Variants in HCLS1 observed in about 807,000 individuals in gnomAD.
HCLS1 encodes the protein hematopoietic lineage cell-specific protein.
HCLS1 carries 44 observed loss-of-function variants against 68.6 expected under a neutral mutation model. That is an observed-to-expected ratio of 0.64 (90% CI 0.50 to 0.82). The LOEUF is 0.82. HCLS1 is among the 40% of genes least tolerant of loss of function. The pLI is 0.00. For missense variants in HCLS1, 602 were observed against 612.1 expected, an observed-to-expected ratio of 0.98 and a Z score of 0.17; for synonymous variants, 217 against 225.8, an observed-to-expected ratio of 0.96 and a Z score of 0.35.
chr3:121,641,514 A>C (rs2049198029), intron 6 of HCLS1, among the ~76,000 whole-genome samples: 1 of 152,250 alleles, frequency 6.6e-6, no homozygotes, highest in Admixed American at 6.5e-5. Flanking sequence ...GCATTTACTA[A>C]GTAATAATAA....
chr3:121,640,832 G>C (rs1409723506), intron 6 of HCLS1, among the ~76,000 whole-genome samples: 1 of 84,300 alleles, frequency 1.2e-5, no homozygotes, highest in Non-Finnish European at 2.4e-5. Flanking sequence ...GAGGGGAGGG[G>C]ACGGGAGGGC....
At chr3:121,634,575 T>G (rs2049131658) in intron 9 of HCLS1, among the ~76,000 whole-genome samples, 157 bp from the exon 10 acceptor site, 1 of 152,024 alleles carries the variant, frequency 6.6e-6, no homozygotes, top group Admixed American at 6.6e-5. Context: ...CAAGGGATAA[T>G]AGGAGGATGG....
At chr3:121,646,380 T>TTATACATA (rs1937605115) in intron 4 of HCLS1, among the ~76,000 whole-genome samples, 1 of 47,904 alleles carries the variant, frequency 2.1e-5, no homozygotes, top group African/African-American at 6.4e-5. Flanking sequence ...ATTATTACTA[T>TTATACATA]GTAATATATT....
chr3:121,643,038 C>G (rs1475141817), intron 5 of HCLS1, 57 bp from the exon 6 acceptor site: 3 of 1,394,346 alleles, frequency 2.2e-6, no homozygotes, highest in Non-Finnish European at 3.1e-6. Flanking sequence ...TTTTCCTCTT[C>G]CTAACCTCCC....
chr3:121,647,274 C>A, intron 4 of HCLS1, 45 bp downstream of exon 4: 2 of 1,607,080 alleles, frequency 1.2e-6, no homozygotes, highest in South Asian at 1.1e-5. Flanking sequence ...AGCCACCGCA[C>A]CCGGCTTGTA....
intron 1 of HCLS1, among the ~76,000 whole-genome samples, chr3:121,658,631 C>A (rs927737807): frequency 6.6e-6 from 1 of 152,132 alleles, no homozygotes; most frequent in Non-Finnish European, 1.5e-5. Context: ...AGGTAACCCA[C>A]GAGTCAAAAT....
At chr3:121,635,903 C>T (rs1167127311) in intron 8 of HCLS1, 99 bp from the exon 9 acceptor site, 1 of 875,408 alleles carries the variant, frequency 1.1e-6, no homozygotes, top group Admixed American at 1.9e-5. Flanking sequence ...TAAGAGGTAT[C>T]CCTAACCATT....
chr3:121,633,221 C>CTTT (rs58527943), intron 10 of HCLS1, 50 bp from the exon 11 acceptor site: 52 of 976,132 alleles, frequency 5.3e-5, no homozygotes, highest in East Asian at 9.2e-5. Context: ...ATCTTCACTC[C>CTTT]TTTTTTTTTT....
In HCLS1 at chr3:121,631,875, G is replaced by A; in HGVS notation, c.1432C>T (p.Pro478Ser). ...TCCAGAAGCTTGACATAATTTGCAG[G>A]GAAGAGTCCAAAGTGGCCATGGCAA... Reference protein sequence around the residue: ...GRCHGHFGLFPANYVKLLE With the variant: ...GRCHGHFGLFSANYVKLLE Residue 478 changes from proline (P) to serine (S), a missense_variant, in exon 14 of 14, where the codon CCT becomes TCT. Physicochemically the swap from Pro to Ser is moderately conservative, Grantham distance 74 (BLOSUM62 -1). Coordinates refer to ENST00000314583, the MANE Select transcript of HCLS1 (RefSeq NM_005335.6). 1.2e-6 allele frequency: 2 copies of A among 1,614,116 alleles called. No individual in the cohort carries two copies. Among genetic ancestry groups the A allele is most frequent in the African/African-American group, 1.3e-5 (1 of 75,020 alleles).
chr3:121,632,256 C>A, intron 12 of HCLS1, 72 bp from the exon 13 acceptor site: 1 of 1,599,460 alleles, frequency 6.3e-7, no homozygotes, highest in Admixed American at 1.7e-5. Flanking sequence ...CCTACTGGGG[C>A]AATAGAGAAA....
At chr3:121,634,080 A>G in intron 10 of HCLS1, 127 bp downstream of exon 10, 2 of 1,487,134 alleles carry the variant, frequency 1.3e-6, no homozygotes, top group Non-Finnish European at 1.8e-6. Flanking sequence ...TTCTAAAGAC[A>G]GAGACAACAG....
At position 121,632,158 on chromosome 3, in the gene HCLS1, CA is replaced by C; in HGVS notation, c.1266del (p.Ala424LeufsTer31). 6.2e-7 allele frequency: 1 copy of C among 1,614,092 alleles called. No homozygotes were observed. The highest frequency in any genetic ancestry group is 8.5e-7 in the Non-Finnish European group (1 of 1,180,006). ...LAGSSGCPAGAGAGAVALGIS... is the reference protein window; with the variant it reads ...LAGSSGCPAGXGAGAVALGIS... Reference sequence around the variant, plus strand: ...ATCCCCAGAGCCACAGCCCCAGCCCCAGCCCCAGCCGGGCAGCCTGATGATC... The same window carrying C: ...ATCCCCAGAGCCACAGCCCCAGCCCCGCCCCAGCCGGGCAGCCTGATGATC... On this transcript the variant is annotated frameshift_variant, in exon 13 of 14. Transcript: ENST00000314583. LOFTEE classifies it high-confidence loss of function.
At chr3:121,637,524 G>A (rs1179114124) in intron 6 of HCLS1, among the ~76,000 whole-genome samples, 1 of 151,908 alleles carries the variant, frequency 6.6e-6, no homozygotes, top group East Asian at 1.9e-4. Context: ...GAAGGGGAAA[G>A]TATAGAGAGT....
chr3:121,646,471 TATA>T (rs1937608262), intron 4 of HCLS1, among the ~76,000 whole-genome samples: 1 of 104,722 alleles, frequency 9.5e-6, no homozygotes, highest in Non-Finnish European at 1.7e-5. Context: ...TGATATATAA[TATA>T]TAATATAGAT....
At chr3:121,641,985 C>G (rs564797722) in intron 6 of HCLS1, among the ~76,000 whole-genome samples, 38 of 141,644 alleles carry the variant, frequency 2.7e-4, no homozygotes, top group African/African-American at 9.5e-4. Context: ...GAGGCTGAGG[C>G]AGGAGAATGG....
At position 121,631,689 on chromosome 3, in the gene HCLS1, C is replaced by T; in HGVS notation, c.*157G>A. On this transcript the variant is annotated 3_prime_UTR_variant, in exon 14 of 14. Coordinates refer to ENST00000314583, the MANE Select transcript of HCLS1 (RefSeq NM_005335.6). ...CTCTTGGGGAAGGGGACCTCCTTCC[C>T]CATGCTGTCTCTGCCCCAAGCCCTT... 1.4e-6 allele frequency: 1 copy of T among 701,480 alleles called. No individual in the cohort carries two copies. The highest frequency in any genetic ancestry group is 2.4e-6 in the Non-Finnish European group (1 of 423,878). 43.5% of individuals were successfully genotyped at this position (701,480 alleles called of 1,614,324 possible). A position where few individuals can be genotyped will look rare whatever the true frequency, so the allele number is the denominator to read the frequency against.
chr3:121,646,659 A>T (rs1367064258), intron 4 of HCLS1, among the ~76,000 whole-genome samples: 1 of 118,948 alleles, frequency 8.4e-6, no homozygotes, highest in African/African-American at 3.2e-5. Flanking sequence ...ATATACTTAT[A>T]ATATATATAC....
chr3:121,648,195 G>T (rs777666687), intron 3 of HCLS1, among the ~76,000 whole-genome samples: 2 of 152,078 alleles, frequency 1.3e-5, no homozygotes, highest in African/African-American at 4.8e-5. Context: ...AAGGACTAAT[G>T]AAAACTAACT....
At chr3:121,648,131 A>T (rs941621421) in intron 3 of HCLS1, among the ~76,000 whole-genome samples, 1 of 152,190 alleles carries the variant, frequency 6.6e-6, no homozygotes, top group African/African-American at 2.4e-5. Context: ...CTTTTTGGTC[A>T]TGAATTAAGA....
Sources: gnomAD v4.1 joint callset for allele counts (sites outside exome capture counted in the v4.1 genomes callset) on GRCh38, gnomAD v4.1.1 for gene constraint, MANE v1.5 for transcripts, NCBI Gene and HGNC (gene_info 2026-07-23, HGNC 2026-07-21) for gene names.